CHP1: variants seen among roughly 807,000 people sequenced by gnomAD.
The protein encoded by CHP1 is calcineurin B homologous protein 1.
In CHP1, 11 loss-of-function variants were observed where a neutral mutation model predicts 27.4. That is an observed-to-expected ratio of 0.40 (90% confidence interval 0.25 to 0.67). CHP1 has a LOEUF of 0.67. CHP1 is among the 30% of genes least tolerant of loss of function. CHP1 has a pLI of 0.38. For synonymous variants in CHP1, 89 were observed against 87.4 expected (o/e 1.02, Z -0.10); for missense variants, 169 against 251.3 (o/e 0.67, Z 2.22).
chr15:41,233,871 G>C (rs2140919506), intron 1 of CHP1, among the ~76,000 whole-genome samples: 1 of 152,248 alleles, frequency 6.6e-6, no homozygotes, highest in African/African-American at 2.4e-5. Context: ...CCCTAAGCCT[G>C]CTACAAAGTC....
At chr15:41,254,129 G>C (rs999300569) in intron 2 of CHP1, among the ~76,000 whole-genome samples, 2 of 151,904 alleles carry the variant, frequency 1.3e-5, no homozygotes, top group Non-Finnish European at 1.5e-5. Flanking sequence ...TAGCAATACT[G>C]TCCTTGATCT....
chr15:41,243,607 T>G, intron 1 of CHP1, 60 bp from the exon 2 acceptor site: 1 of 1,354,660 alleles, frequency 7.4e-7, no homozygotes. Context: ...CAGCGAGGGG[T>G]GGGTTCAGTG....
At chr15:41,275,808 C>CGA (rs1322826440) in intron 5 of CHP1, among the ~76,000 whole-genome samples, 1 of 151,806 alleles carries the variant, frequency 6.6e-6, no homozygotes, top group Non-Finnish European at 1.5e-5. Context: ...CTCTGCCTCC[C>CGA]GGGTTGAAGC....
intron 1 of CHP1, 111 bp downstream of exon 1, chr15:41,231,560 G>A: frequency 9.9e-7 from 1 of 1,009,042 alleles, no homozygotes; most frequent in Non-Finnish European, 1.5e-6. Context: ...GGGGGGTCCT[G>A]GGCAGCCTCC....
At chr15:41,270,501 T>G in intron 4 of CHP1, 56 bp from the exon 5 acceptor site, 1 of 1,347,522 alleles carries the variant, frequency 7.4e-7, no homozygotes, top group Admixed American at 1.7e-5. Context: ...TTTAGTTCCT[T>G]GAGAAGGGGC....
intron 2 of CHP1, among the ~76,000 whole-genome samples, chr15:41,251,273 A>G (rs1361947420): frequency 6.6e-6 from 1 of 152,212 alleles, no homozygotes; most frequent in African/African-American, 2.4e-5. Flanking sequence ...ACCAATACCC[A>G]GAAGCTTCCC....
At chr15:41,258,639 T>C (rs1315271246) in intron 3 of CHP1, among the ~76,000 whole-genome samples, 3 of 152,218 alleles carry the variant, frequency 2.0e-5, no homozygotes, top group Admixed American at 6.5e-5. Context: ...TCTTTTGATA[T>C]GCTTTACTAC....
chr15:41,261,307 A>G (rs1288441019), intron 3 of CHP1, among the ~76,000 whole-genome samples: 1 of 151,588 alleles, frequency 6.6e-6, no homozygotes, highest in Non-Finnish European at 1.5e-5. Flanking sequence ...GGTGCCCACT[A>G]CCACGTCCAG....
chr15:41,263,012 A>G (rs2047441223), intron 4 of CHP1, 129 bp downstream of exon 4: 1 of 1,227,802 alleles, frequency 8.1e-7, no homozygotes, highest in East Asian at 2.6e-5. Flanking sequence ...CTCTGGAGCT[A>G]AACTGGCCAA....
intron 2 of CHP1, among the ~76,000 whole-genome samples, chr15:41,249,107 G>C (rs1403414531): frequency 6.6e-6 from 1 of 152,136 alleles, no homozygotes; most frequent in Non-Finnish European, 1.5e-5. Context: ...ATGTTTCCAG[G>C]ACCCATCAGA....
intron 1 of CHP1, among the ~76,000 whole-genome samples, chr15:41,242,041 A>G (rs1390350833): frequency 6.6e-6 from 1 of 152,106 alleles, no homozygotes; most frequent in African/African-American, 2.4e-5. Flanking sequence ...TAGTATTATT[A>G]TGTACCTGCC....
chr15:41,260,055 G>T (rs1470605474), intron 3 of CHP1, among the ~76,000 whole-genome samples: 1 of 152,180 alleles, frequency 6.6e-6, no homozygotes, highest in Non-Finnish European at 1.5e-5. Flanking sequence ...AGTACAGATG[G>T]CTCACAGGCT....
intron 5 of CHP1, among the ~76,000 whole-genome samples, chr15:41,275,244 A>G (rs1425048727): frequency 6.6e-6 from 1 of 151,530 alleles, no homozygotes; most frequent in African/African-American, 2.4e-5. Context: ...TGCAACCTCC[A>G]CCTTCTGGGT....
chr15:41,234,573 A>C (rs1016488150), intron 1 of CHP1, among the ~76,000 whole-genome samples: 2 of 152,216 alleles, frequency 1.3e-5, no homozygotes, highest in Non-Finnish European at 2.9e-5. Context: ...GAATTTCTAC[A>C]TGACTAGATT....
intron 4 of CHP1, among the ~76,000 whole-genome samples, chr15:41,269,214 TAAATA>T (rs1207354082): frequency 8.0e-5 from 12 of 150,764 alleles, no homozygotes; most frequent in South Asian, 2.1e-4. Context: ...AAAAAATAAA[TAAATA>T]AAATAAAATA....
chr15:41,270,157 T>A (rs540298263), intron 4 of CHP1, among the ~76,000 whole-genome samples: 1 of 152,196 alleles, frequency 6.6e-6, no homozygotes, highest in African/African-American at 2.4e-5. Flanking sequence ...TGTGGTCAGC[T>A]CTCATGGTGC....
At chr15:41,255,733 T>A (rs1448729996) in intron 2 of CHP1, among the ~76,000 whole-genome samples, 1 of 150,470 alleles carries the variant, frequency 6.6e-6, no homozygotes, top group Non-Finnish European at 1.5e-5. Flanking sequence ...ATATTAGGGC[T>A]GGGCACCGTG....
intron 5 of CHP1, among the ~76,000 whole-genome samples, chr15:41,275,301 C>T (rs530471152): frequency 6.6e-6 from 1 of 151,560 alleles, no homozygotes; most frequent in Non-Finnish European, 1.5e-5. Context: ...ATTACAGGTG[C>T]CCGCCACCAT....
At chr15:41,242,278 A>G (rs1290293430) in intron 1 of CHP1, among the ~76,000 whole-genome samples, 2 of 152,198 alleles carry the variant, frequency 1.3e-5, no homozygotes, top group Non-Finnish European at 2.9e-5. Context: ...GAAAAGATAA[A>G]GCCTTTAATG....
Sources: gnomAD v4.1 joint callset for allele counts (sites outside exome capture counted in the v4.1 genomes callset) on GRCh38, gnomAD v4.1.1 for gene constraint, MANE v1.5 for transcripts, NCBI Gene and HGNC (gene_info 2026-07-23, HGNC 2026-07-21) for gene names.